GREB1: variants seen among roughly 807,000 people sequenced by gnomAD.
GREB1 encodes growth regulating estrogen receptor binding 1.
A neutral mutation model predicts 200.7 loss-of-function variants in GREB1; 106 were observed. The observed-to-expected ratio is 0.53, with a 90% CI of 0.45 to 0.62. GREB1 has a LOEUF of 0.62. GREB1 is among the 20% of genes least tolerant of loss of function. The probability of loss-of-function intolerance (pLI) is 0.00; values close to 1 mark genes in which losing one functional copy is unlikely to be tolerated. For missense variants in GREB1, 2,243 were observed against 2,556.8 expected, an observed-to-expected ratio of 0.88 and a Z score of 2.65; for synonymous variants, 1,132 against 1,092.4, an observed-to-expected ratio of 1.04 and a Z score of -0.72.
intron 1 of GREB1, among the ~76,000 whole-genome samples, chr2:11,503,301 G>A (rs1673097087): frequency 6.6e-6 from 1 of 152,114 alleles, no homozygotes; most frequent in African/African-American, 2.4e-5. Flanking sequence ...ATTGCTTCGA[G>A]TGCTTACATT....
rs1681370286 is a variant in GREB1, at chr2:11,597,403, ATGAC to A, written c.1955-375_1955-372del. The stretch of plus-strand genomic sequence containing the variant: ...TTTTTTATTCATACAGAGTTCCTAA[ATGAC>A]TGTCGTGTTAGTTTTCTTTTCTGGA... On this transcript the variant is annotated intron_variant, in intron 13 of 32. Transcript: ENST00000381486. The surrounding 1 kb of genome is among the most constrained non-coding windows in gnomAD (Gnocchi z 4.1). 6.6e-6 allele frequency among the ~76,000 whole-genome samples: 1 copy of A among 151,932 alleles called. No individual in the cohort carries two copies. The highest frequency in any genetic ancestry group is 1.9e-4 in the East Asian group (1 of 5,176).
Position 11,616,697 on chromosome 2 carries a change from C to A in GREB1, c.3389C>A (p.Ser1130Ter). ...ERSRSHDSAS[S>*]SLSSKASGSA... is the part of the protein sequence containing the mutation. ...TCCCGCTCCCACGACTCAGCATCCT[C>A]ATCCCTCTCCTCCAAGGCTTCCGGT... The change falls in exon 21 of 33, where the codon TCA becomes TAA. Residue 1130 changes from serine to a stop codon, truncating the protein, a stop_gained. Coordinates refer to ENST00000381486, the MANE Select transcript of GREB1 (RefSeq NM_014668.4). LOFTEE classifies it high-confidence loss of function. 1 of 1,610,742 alleles carries A rather than the reference C, an allele frequency of 6.2e-7. No homozygotes were observed. Among genetic ancestry groups the A allele is most frequent in the South Asian group, 1.1e-5 (1 of 91,020 alleles).
At chr2:11,525,284 C>T (rs1673834382) in intron 1 of GREB1, among the ~76,000 whole-genome samples, 1 of 152,058 alleles carries the variant, frequency 6.6e-6, no homozygotes, top group African/African-American at 2.4e-5. Flanking sequence ...GGGGGTGGAT[C>T]ACTTGAGGTC....
At chr2:11,573,572 C>G (rs997060568) in intron 4 of GREB1, among the ~76,000 whole-genome samples, 1 of 152,130 alleles carries the variant, frequency 6.6e-6, no homozygotes. Context: ...TTGGCATTTC[C>G]GGTCTCTCCC....
intron 9 of GREB1, chr2:11,587,984 G>C (rs1680335409): frequency 5.2e-6 from 5 of 963,810 alleles, no homozygotes; most frequent in Non-Finnish European, 6.2e-6. Flanking sequence ...CCAGAACTTT[G>C]AGAGGCCGAG....
Position 11,588,707 on chromosome 2 carries a change from C to T in GREB1, c.1160-39C>T, listed in dbSNP as rs759628312. The stretch of plus-strand genomic sequence containing the variant: ...CACATGTATGGGACCGTAAGCTGTG[C>T]ACAAGACTGGGTGCCAAGTCGCTGC... On this transcript the variant is annotated intron_variant, in intron 9 of 32. Coordinates refer to ENST00000381486, the MANE Select transcript of GREB1 (RefSeq NM_014668.4). The T allele has an allele frequency of 1.9e-6, 3 of 1,587,854 alleles. No individual in the cohort carries two copies. In the East Asian group the frequency reaches 6.7e-5, roughly 35 times the overall value.
At chr2:11,602,106 T>C (rs1681833101) in intron 16 of GREB1, among the ~76,000 whole-genome samples, 1 of 152,268 alleles carries the variant, frequency 6.6e-6, no homozygotes, top group South Asian at 2.1e-4. Context: ...GAAGCAAATT[T>C]AACAAAGAAA....
chr2:11,483,735 G>T (rs958024573), intron 1 of GREB1, among the ~76,000 whole-genome samples: 20 of 142,984 alleles, frequency 1.4e-4, no homozygotes, highest in African/African-American at 3.9e-4. Context: ...TGTGTGTGTG[G>T]CCCGGCCACC....
In GREB1 at chr2:11,576,432, A is replaced by G. The variant is rs1256695074; in HGVS notation, c.534A>G (p.Lys178=). Residue 178 remains lysine, a synonymous_variant, in exon 5 of 33, where the codon AAA becomes AAG. Transcript: ENST00000381486. Reference sequence around the variant, plus strand: ...AATTCTCCAATCATATAAATCTGAAACTGACCACTCAACCCAAGAAGCAGA... The same window carrying G: ...AATTCTCCAATCATATAAATCTGAAGCTGACCACTCAACCCAAGAAGCAGA... ...FTEFSNHINL[K]LTTQPKKQKH... The G allele has an allele frequency of 1.2e-6, 2 of 1,613,868 alleles. No individual in the cohort carries two copies. Among genetic ancestry groups the G allele is most frequent in the South Asian group, 1.1e-5 (1 of 91,078 alleles).
At position 11,556,745 on chromosome 2, in the gene GREB1, C is replaced by G. The variant is rs969038727; in HGVS notation, c.131C>G (p.Ala44Gly). ...RPIFSQLYLEAEQQLAALEGG... is the reference protein window; with the variant it reads ...RPIFSQLYLEGEQQLAALEGG... ...ATCTTTTCCCAGCTGTACCTGGAAG[C>G]TGAGCAGCAGCTTGCCGCTCTAGAA... The change falls in exon 2 of 33, where the codon GCT becomes GGT. Residue 44 changes from alanine to glycine, a missense_variant. Physicochemically the swap from Ala to Gly is moderately conservative, Grantham distance 60. Around this residue, in one of 3 missense-constraint regions of GREB1, gnomAD observed 1,178 missense variants for 1,387.4 expected, o/e 0.85. Transcript: ENST00000381486. 1.9e-6 allele frequency: 3 copies of G among 1,613,996 alleles called. No homozygotes were observed. Among genetic ancestry groups the G allele is most frequent in the Non-Finnish European group, 2.5e-6 (3 of 1,179,998 alleles).
intron 17 of GREB1, among the ~76,000 whole-genome samples, chr2:11,607,605 T>TAGATAC (rs1682505812): frequency 2.4e-5 from 1 of 41,546 alleles, no homozygotes; most frequent in Non-Finnish European, 5.4e-5. Flanking sequence ...TATATATACA[T>TAGATAC]ATATACACAT....
At position 11,552,786 on chromosome 2, in the gene GREB1, C is replaced by T. The variant is rs375315299; in HGVS notation, c.-161-3668C>T. Among the ~76,000 whole-genome samples, 1,514 of 151,784 alleles carry T rather than the reference C, an allele frequency of 1.0e-2. 26 individuals are homozygous for T. The highest frequency in any genetic ancestry group is 0.034 in the African/African-American group (1,401 of 41,346). On this transcript the variant is annotated intron_variant, in intron 1 of 32. Transcript: ENST00000381486. ...CAGCACTTTGGGAGGCCGAGGCGGG[C>T]GGATCACGAGGTCAGGAGATCGAGA...
Position 11,587,295 on chromosome 2 carries a change from CT to C in GREB1, c.1159+1392del, listed in dbSNP as rs549464367. On this transcript the variant is annotated intron_variant, in intron 9 of 32. Coordinates refer to ENST00000381486, the MANE Select transcript of GREB1 (RefSeq NM_014668.4). ...CTTAGATTCCCTTTCCTCTGCCCCC[CT>C]TGTCACTTCTCTGTCCCTCTTTTAT... 300 of 994,994 alleles carry C rather than the reference CT, an allele frequency of 3.0e-4. 1 individual carries two copies. In the African/African-American group the frequency reaches 4.4e-3, roughly 15 times the overall value. The allele number at this position is 994,994 out of a possible 1,614,324, so 61.6% of individuals were successfully genotyped here.
At chr2:11,483,794 A>T (rs572921466) in intron 1 of GREB1, among the ~76,000 whole-genome samples, 2 of 124,398 alleles carry the variant, frequency 1.6e-5, no homozygotes, top group Admixed American at 1.7e-4. Context: ...ATGCAGAGGG[A>T]CTCCGGGCCA....
At chr2:11,576,995 A>G (rs1043646856) in intron 5 of GREB1, among the ~76,000 whole-genome samples, 3 of 152,092 alleles carry the variant, frequency 2.0e-5, no homozygotes, top group Non-Finnish European at 2.9e-5. Context: ...AGATGGTGCC[A>G]CTGCACTCCA....
chr2:11,613,637 G>C (rs1683130048), intron 19 of GREB1, among the ~76,000 whole-genome samples: 1 of 152,180 alleles, frequency 6.6e-6, no homozygotes, highest in Non-Finnish European at 1.5e-5. Context: ...GACCTTGCTT[G>C]TTGCTATTTC....
intron 9 of GREB1, among the ~76,000 whole-genome samples, chr2:11,587,112 G>A (rs532721952): frequency 4.6e-5 from 7 of 152,224 alleles, no homozygotes; most frequent in East Asian, 3.9e-4. Flanking sequence ...CTGTCCTCTC[G>A]GTTCTCAGGC....
intron 21 of GREB1, among the ~76,000 whole-genome samples, chr2:11,617,001 C>T (rs1342868413): frequency 6.6e-6 from 1 of 152,214 alleles, no homozygotes; most frequent in East Asian, 1.9e-4. Flanking sequence ...GGGCCTCAGG[C>T]TGAGTCCTGG....
In GREB1 at chr2:11,556,519, T is replaced by G. The variant is rs1182899680; in HGVS notation, c.-96T>G. On this transcript the variant is annotated 5_prime_UTR_variant, in exon 2 of 33. Coordinates refer to ENST00000381486, the MANE Select transcript of GREB1 (RefSeq NM_014668.4). ...TGAGCGAAGGCTACACGGCCCTTCC[T>G]CCTTGCAGCTGTTTCACCTTCTACC... 1.2e-5 allele frequency: 12 copies of G among 1,012,012 alleles called. No homozygotes were observed. The highest frequency in any genetic ancestry group is 1.6e-5 in the Non-Finnish European group (11 of 679,574). 62.7% of individuals were successfully genotyped at this position (1,012,012 alleles called of 1,614,324 possible).
Sources: gnomAD v4.1 joint callset for allele counts (sites outside exome capture counted in the v4.1 genomes callset) on GRCh38, gnomAD v4.1.1 for gene constraint, gnomAD v4.1.1 regional missense constraint, Gnocchi (gnomAD v3.1) non-coding constraint, MANE v1.5 for transcripts, NCBI Gene and HGNC (gene_info 2026-07-23, HGNC 2026-07-21) for gene names.